Variants in DOCK8 observed in about 807,000 individuals in gnomAD.
DOCK8 encodes the protein dedicator of cytokinesis 8, also known as dedicator of cytokinesis protein 8.
In DOCK8, 141 loss-of-function variants were observed where a neutral mutation model predicts 245.6. The observed-to-expected ratio is 0.57, with a 90% CI of 0.50 to 0.66. DOCK8 has a LOEUF of 0.66. DOCK8 is among the 30% of genes least tolerant of loss of function. The pLI is 0.00. For missense variants in DOCK8, 2,965 were observed against 2,603.4 expected (o/e 1.14, Z -3.02); for synonymous variants, 1,168 against 970.2 (o/e 1.20, Z -3.79).
intron 13 of DOCK8, among the ~76,000 whole-genome samples, chr9:339,639 C>T (rs1049925196): frequency 5.3e-5 from 8 of 152,162 alleles, no homozygotes; most frequent in South Asian, 2.1e-4. Flanking sequence ...CTCAACCTCC[C>T]GAGTAGCTGG....
At chr9:267,863 G>A (rs928268169) in intron 1 of DOCK8, 2 of 152,152 alleles carry the variant, frequency 1.3e-5, no homozygotes, top group African/African-American at 2.4e-5. Flanking sequence ...GAATTCTTAT[G>A]TTCATTTCTG....
intron 1 of DOCK8, among the ~76,000 whole-genome samples, chr9:242,742 A>G (rs540489814): frequency 6.6e-6 from 1 of 151,786 alleles, no homozygotes; most frequent in Non-Finnish European, 1.5e-5. Context: ...ATTGCCACCA[A>G]CGAGTCAAAA....
At chr9:386,502 G>T (rs944893572) in intron 23 of DOCK8, 76 bp downstream of exon 23, 10 of 1,328,896 alleles carry the variant, frequency 7.5e-6, no homozygotes, top group Middle Eastern at 2.1e-4. Context: ...CACTGTGCTT[G>T]GGAATAGTCA....
chr9:399,956 C>G (rs993106649), intron 26 of DOCK8, among the ~76,000 whole-genome samples: 1 of 151,622 alleles, frequency 6.6e-6, no homozygotes, highest in African/African-American at 2.4e-5. Flanking sequence ...GTCCCATGCC[C>G]ACTATCACCA....
At chr9:427,022 A>G (rs544529876) in intron 34 of DOCK8, 41 bp downstream of exon 34, 5 of 1,542,384 alleles carry the variant, frequency 3.2e-6, no homozygotes, top group Non-Finnish European at 3.6e-6. Context: ...TTGGCCATGA[A>G]TATGTTTACT....
In DOCK8 at chr9:439,248, A is replaced by G; in HGVS notation, c.5083A>G (p.Ile1695Val). The G allele has an allele frequency of 1.9e-6, 3 of 1,613,980 alleles. No homozygotes were observed. Among genetic ancestry groups the G allele is most frequent in the African/African-American group, 1.3e-5 (1 of 74,962 alleles). The stretch of plus-strand genomic sequence containing the variant: ...CTTATACTGTGGTCTCTTTCAGAAT[A>G]TTTCTTCCAATGTGCTGGAGGAGTC... ...LPVGSVSFQNISSNVLEESVV... is the reference protein window; with the variant it reads ...LPVGSVSFQNVSSNVLEESVV... Residue 1695 changes from isoleucine (I) to valine (V), a missense_variant, in exon 40 of 48, where the codon ATT (isoleucine) becomes GTT (valine). Coordinates refer to ENST00000432829, the MANE Select transcript of DOCK8 (RefSeq NM_203447.4).
chr9:302,571 G>A (rs2049603214), intron 4 of DOCK8, among the ~76,000 whole-genome samples: 1 of 152,152 alleles, frequency 6.6e-6, no homozygotes, highest in Admixed American at 6.5e-5. Flanking sequence ...ATAACCAACT[G>A]AATAGGAGAA....
At chr9:220,946 A>C (rs1156817030) in intron 1 of DOCK8, 1 of 209,958 alleles carries the variant, frequency 4.8e-6, no homozygotes, top group African/African-American at 2.4e-5. Flanking sequence ...GTCTAGTCTT[A>C]CCCAGTCAGC....
At chr9:398,447 A>G (rs2054566930) in intron 25 of DOCK8, among the ~76,000 whole-genome samples, 1 of 152,258 alleles carries the variant, frequency 6.6e-6, no homozygotes, top group Admixed American at 6.5e-5. Flanking sequence ...TTGATTTGTC[A>G]TTCTGAGAAT....
At chr9:328,508 A>C (rs1455091136) in intron 9 of DOCK8, among the ~76,000 whole-genome samples, 2 of 152,172 alleles carry the variant, frequency 1.3e-5, no homozygotes, top group Non-Finnish European at 2.9e-5. Context: ...ATGACTACAG[A>C]ATAAAGCTTG....
chr9:221,704 C>T lies in DOCK8; in HGVS notation c.53+6675C>T, dbSNP rs551737293. Reference sequence around the variant, plus strand: ...AGGTGTGGTGGCAGGTGCCTGTAGTCCCAGCTACTCAGGAGGTTGAGGCAG... The same window carrying T: ...AGGTGTGGTGGCAGGTGCCTGTAGTTCCAGCTACTCAGGAGGTTGAGGCAG... On this transcript the variant is annotated intron_variant, in intron 1 of 47. Transcript: ENST00000432829. Among the ~76,000 whole-genome samples, 258 of 151,508 alleles carry T rather than the reference C, an allele frequency of 1.7e-3. 2 individuals carry two copies. Among genetic ancestry groups the T allele is most frequent in the African/African-American group, 5.7e-3 (237 of 41,330 alleles).
At chr9:213,362 G>T (rs1294718946), upstream of DOCK8, 1 of 152,100 alleles carries the variant, frequency 6.6e-6, no homozygotes, top group Non-Finnish European at 1.5e-5. Flanking sequence ...GACAAATTAG[G>T]TTGTATTGGA....
chr9:225,768 G>A (rs2046976262), intron 1 of DOCK8, among the ~76,000 whole-genome samples: 1 of 152,102 alleles, frequency 6.6e-6, no homozygotes, highest in South Asian at 2.1e-4. Context: ...AATGTAAACG[G>A]GCCATTGAGA....
chr9:351,739 C>G (rs2052179276), intron 14 of DOCK8, among the ~76,000 whole-genome samples: 1 of 152,122 alleles, frequency 6.6e-6, no homozygotes, highest in East Asian at 1.9e-4. Context: ...CAAAGTCTGT[C>G]TACTTAGAGC....
intron 14 of DOCK8, among the ~76,000 whole-genome samples, chr9:344,594 T>C (rs537771971): frequency 5.3e-4 from 80 of 152,284 alleles, no homozygotes; most frequent in African/African-American, 1.9e-3. Flanking sequence ...TTTCCTCTCT[T>C]TTTGTTCCTT....
intron 4 of DOCK8, among the ~76,000 whole-genome samples, chr9:298,251 C>A (rs113571105): frequency 0.023 from 3,561 of 152,158 alleles, 81 homozygotes; most frequent in South Asian, 0.055. Flanking sequence ...ACGGCAAAAC[C>A]CCGTCTCTAC....
intron 1 of DOCK8, among the ~76,000 whole-genome samples, chr9:230,163 T>C: frequency 6.6e-6 from 1 of 151,406 alleles, no homozygotes. Context: ...TGTTTGGTTT[T>C]TTGTCCTTGC....
chr9:345,181 T>C (rs1199014155), intron 14 of DOCK8, among the ~76,000 whole-genome samples: 1 of 152,196 alleles, frequency 6.6e-6, no homozygotes, highest in African/African-American at 2.4e-5. Context: ...TCCATGCCAA[T>C]CAATAATCCT....
chr9:271,775 A>C (rs898711318), intron 2 of DOCK8, 46 bp downstream of exon 2: 8 of 1,388,476 alleles, frequency 5.8e-6, no homozygotes, highest in Non-Finnish European at 8.0e-6. Context: ...CAAGTGCAAA[A>C]GTGCCCAGGG....
Sources: allele counts gnomAD v4.1 joint callset (sites outside exome capture counted in the v4.1 genomes callset), GRCh38; gene constraint gnomAD v4.1.1; transcripts MANE v1.5; gene names NCBI Gene and HGNC (gene_info 2026-07-23, HGNC 2026-07-21).